The following CDH1 variants were observed in gnomAD, a reference collection of about 807,000 sequenced individuals.
The protein encoded by CDH1 is cadherin 1.
A neutral mutation model predicts 84.5 loss-of-function variants in CDH1; 35 were observed. The observed-to-expected ratio is 0.41, with a 90% CI of 0.32 to 0.55. The LOEUF is 0.55. Among genes scored for constraint, CDH1 ranks in the 20% least tolerant of loss-of-function variants. The pLI, the probability that CDH1 is intolerant of heterozygous loss-of-function variation, is 0.19. For missense variants in CDH1, 994 were observed against 1,126.6 expected (o/e 0.88, Z 1.68); for synonymous variants, 417 against 439.0 (o/e 0.95, Z 0.63).
rs2152144305 is a variant in CDH1 at position 68,833,512 on chromosome 16, A to G, written c.*13A>G. ...CGAGGACGACTAGGGGACTCGAGAG[A>G]GGCGGGCCCCAGACCCATGTGCTGG... On this transcript the variant is annotated 3_prime_UTR_variant, in exon 16 of 16. Transcript: ENST00000261769. 1 of 1,608,802 alleles carries G rather than the reference A, an allele frequency of 6.2e-7. No individual in the cohort carries two copies. The highest frequency in any genetic ancestry group is 1.3e-5 in the African/African-American group (1 of 74,894).
chr16:68,795,275 G>A lies in CDH1; in HGVS notation c.164-6395G>A, dbSNP rs1960327292. On this transcript the variant is annotated intron_variant, in intron 2 of 15. Transcript: ENST00000261769. The stretch of plus-strand genomic sequence containing the variant: ...GTCCCTAACCAGCAAAAAGAAAAAT[G>A]CCTAACTAGCTGAATGAGGCTGTCT... Among the ~76,000 whole-genome samples the A allele has an allele frequency of 2.0e-5, 3 of 152,126 alleles. 1 individual carries two copies. The South Asian group carries it at 6.2e-4, about 32-fold the overall frequency.
chr16:68,768,499 G>A (rs570339441), intron 2 of CDH1, among the ~76,000 whole-genome samples: 2 of 152,318 alleles, frequency 1.3e-5, no homozygotes, highest in African/African-American at 2.4e-5. Context: ...ACTTTCCATT[G>A]ATATTTGTCA....
chr16:68,749,921 C>T (rs919378028), intron 2 of CDH1, among the ~76,000 whole-genome samples: 2 of 152,150 alleles, frequency 1.3e-5, no homozygotes, highest in Admixed American at 6.6e-5. Flanking sequence ...TTCTTCCCTT[C>T]GGAGAAGCTG....
intron 2 of CDH1, among the ~76,000 whole-genome samples, chr16:68,759,424 T>C (rs1197373200): frequency 2.0e-5 from 3 of 152,136 alleles, no homozygotes; most frequent in African/African-American, 4.8e-5. Context: ...TATGATCTTG[T>C]TTTTTTAATC....
rs1452061458 is a variant in CDH1, at chr16:68,737,454, G to C, written c.39G>C (p.Leu13=). 6.5e-7 allele frequency: 1 copy of C among 1,536,944 alleles called. No individual in the cohort carries two copies. The highest frequency in any genetic ancestry group is 8.7e-7 in the Non-Finnish European group (1 of 1,148,104). ...GCCGCAGCCTCTCGGCGCTGCTGCT[G>C]CTGCTGCAGGTACCCCGGATCCCCT... ...PWSRSLSALL[L]LLQVSSWLCQ... Residue 13 remains leucine (L), a synonymous_variant, in exon 1 of 16, where the codon CTG becomes CTC. Transcript: ENST00000261769.
chr16:68,819,206 A>G, intron 10 of CDH1, 74 bp from the exon 11 acceptor site: 2 of 1,543,044 alleles, frequency 1.3e-6, no homozygotes, highest in Admixed American at 3.3e-5. Flanking sequence ...ATAACTGAAG[A>G]AGCGCTTAAG....
intron 11 of CDH1, among the ~76,000 whole-genome samples, chr16:68,821,412 G>A (rs1870861131): frequency 6.6e-6 from 1 of 150,934 alleles, no homozygotes; most frequent in Non-Finnish European, 1.5e-5. Flanking sequence ...AGAGGCTGCA[G>A]TGAACTGTGT....
intron 2 of CDH1, among the ~76,000 whole-genome samples, chr16:68,794,436 C>G (rs1426722579): frequency 6.6e-6 from 1 of 152,136 alleles, no homozygotes. Flanking sequence ...ATGTCCTTTT[C>G]AACATGCCCT....
Position 68,751,952 on chromosome 16 carries a change from ATT to A in CDH1, c.163+13556_163+13557del, listed in dbSNP as rs34163550. Among the ~76,000 whole-genome samples, 458 of 125,688 alleles carry A rather than the reference ATT, an allele frequency of 3.6e-3. 4 individuals are homozygous for A. The South Asian group carries it at 0.041, about 11-fold the overall frequency. 82.5% of individuals were successfully genotyped at this position (125,688 alleles called of 152,430 possible). A position where few individuals can be genotyped will look rare whatever the true frequency, so the allele number is the denominator to read the frequency against. On this transcript the variant is annotated intron_variant, in intron 2 of 15. Coordinates refer to ENST00000261769, the MANE Select transcript of CDH1 (RefSeq NM_004360.5). The stretch of plus-strand genomic sequence containing the variant: ...ACCTGGCTAATTTTTGTATTTTTGT[ATT>A]TTTTTTTTTTTTTTGAGATGGAGTC...
At chr16:68,765,451 G>T (rs144034201) in intron 2 of CDH1, 3 of 152,224 alleles carry the variant, frequency 2.0e-5, no homozygotes, top group Non-Finnish European at 4.4e-5. Context: ...CTCCCAAAGT[G>T]CTGGGATTAC....
At position 68,828,164 on chromosome 16, in the gene CDH1, A is replaced by C. The variant is rs753982211; in HGVS notation, c.2165-10A>C. 12 of 1,613,414 alleles carry C rather than the reference A, an allele frequency of 7.4e-6. No homozygotes were observed. Among genetic ancestry groups the C allele is most frequent in the Non-Finnish European group, 8.5e-6 (10 of 1,179,726 alleles). ...TCTCAACACTTGCTCTGTCTCCCCCACCATCCCAGTTCTGATTCTGCTGCT... is the reference window on the plus strand; with the variant it reads ...TCTCAACACTTGCTCTGTCTCCCCCCCCATCCCAGTTCTGATTCTGCTGCT... On this transcript the variant is annotated splice_polypyrimidine_tract_variant and intron_variant, in intron 13 of 15. Coordinates refer to ENST00000261769, the MANE Select transcript of CDH1 (RefSeq NM_004360.5).
chr16:68,754,858 T>G (rs924359074), intron 2 of CDH1, among the ~76,000 whole-genome samples: 1 of 152,022 alleles, frequency 6.6e-6, no homozygotes, highest in Non-Finnish European at 1.5e-5. Context: ...GATGGTGATG[T>G]ATGGAAGAAA....
chr16:68,780,567 G>A (rs1051245721), intron 2 of CDH1, among the ~76,000 whole-genome samples: 5 of 152,096 alleles, frequency 3.3e-5, no homozygotes, highest in African/African-American at 1.2e-4. Flanking sequence ...TTGGGATTAC[G>A]GGCTTCGGCC....
At chr16:68,828,638 A>G (rs967244862) in intron 14 of CDH1, among the ~76,000 whole-genome samples, 1 of 152,196 alleles carries the variant, frequency 6.6e-6, no homozygotes, top group Non-Finnish European at 1.5e-5. Flanking sequence ...CATTCTCTGG[A>G]CGTGAACTTC....
intron 2 of CDH1, among the ~76,000 whole-genome samples, chr16:68,747,670 A>G (rs1432129984): frequency 6.6e-6 from 1 of 152,104 alleles, no homozygotes; most frequent in Non-Finnish European, 1.5e-5. Flanking sequence ...AATTCCTAAC[A>G]TATGATCCTT....
intron 2 of CDH1, among the ~76,000 whole-genome samples, chr16:68,743,047 AG>A (rs1962608579): frequency 6.6e-6 from 1 of 152,182 alleles, no homozygotes; most frequent in Middle Eastern, 3.2e-3. Flanking sequence ...GCTTCCTCCC[AG>A]TGGGGCCCTG....
rs1259635796 is a variant in CDH1, at chr16:68,743,348, TTTCTTTCTTTCTTTC to T, written c.163+4940_163+4954del. Among the ~76,000 whole-genome samples the T allele has an allele frequency of 9.4e-4, 57 of 60,372 alleles. 2 individuals carry two copies. The highest frequency in any genetic ancestry group is 3.5e-3 in the African/African-American group (54 of 15,238). The allele number at this position is 60,372 out of a possible 152,430, so 39.6% of individuals were successfully genotyped here. On this transcript the variant is annotated intron_variant, in intron 2 of 15. Coordinates refer to ENST00000261769, the MANE Select transcript of CDH1 (RefSeq NM_004360.5). ...CTTTCTTTCTTTCTTTCTTTCTTTC[TTTCTTTCTTTCTTTC>T]TTTTCTTTTCTTTCTTTTGAGACGG...
At chr16:68,818,702 T>G (rs1024826782) in intron 10 of CDH1, among the ~76,000 whole-genome samples, 1 of 150,902 alleles carries the variant, frequency 6.6e-6, no homozygotes, top group Non-Finnish European at 1.5e-5. Flanking sequence ...ACAAAAAAAT[T>G]AGCCGGGCGT....
chr16:68,743,048 G>GT (rs929584722), intron 2 of CDH1, among the ~76,000 whole-genome samples: 18 of 152,214 alleles, frequency 1.2e-4, no homozygotes, highest in African/African-American at 4.3e-4. Context: ...CTTCCTCCCA[G>GT]TGGGGCCCTG....
Sources: gnomAD v4.1 joint callset for allele counts (sites outside exome capture counted in the v4.1 genomes callset) on GRCh38, gnomAD v4.1.1 for gene constraint, MANE v1.5 for transcripts, NCBI Gene and HGNC (gene_info 2026-07-23, HGNC 2026-07-21) for gene names.